Variants in ELAPOR1 observed in about 807,000 individuals in gnomAD.
ELAPOR1 encodes the protein endosome/lysosome-associated apoptosis and autophagy regulator 1.
A neutral mutation model predicts 119.7 loss-of-function variants in ELAPOR1; 77 were observed. That is an observed-to-expected ratio of 0.64 (90% CI 0.54 to 0.78). ELAPOR1 has a LOEUF of 0.78. Among genes scored for constraint, ELAPOR1 ranks in the 30% least tolerant of loss-of-function variants. The probability of loss-of-function intolerance (pLI) is 0.00; values close to 1 mark genes in which losing one functional copy is unlikely to be tolerated. For synonymous variants in ELAPOR1, 481 were observed against 487.2 expected (o/e 0.99, Z 0.17); for missense variants, 1,115 against 1,270.4 (o/e 0.88, Z 1.86).
chr1:109,114,497 T>G (rs527913985), intron 1 of ELAPOR1, among the ~76,000 whole-genome samples, 161 bp downstream of exon 1: 29 of 152,132 alleles, frequency 1.9e-4, no homozygotes, highest in African/African-American at 7.0e-4. Flanking sequence ...TCTGGCGTCA[T>G]GAGGAGGCCA....
At chr1:109,178,726 A>T (rs1652502386) in intron 7 of ELAPOR1, among the ~76,000 whole-genome samples, 2 of 152,200 alleles carry the variant, frequency 1.3e-5, no homozygotes, top group Admixed American at 1.3e-4. Context: ...GCACTTTGGG[A>T]GGCCGAGGTG....
rs750139313 is a variant in ELAPOR1 at position 109,154,499 on chromosome 1, CTGTT to C, written c.154-7389_154-7386del. Among the ~76,000 whole-genome samples, 24 of 152,244 alleles carry C rather than the reference CTGTT, an allele frequency of 1.6e-4. 1 individual carries two copies. The highest frequency in any genetic ancestry group is 6.2e-4 in the South Asian group (3 of 4,820). ...GGTCTTTTGTTCCTCGTCTCAGAGA[CTGTT>C]TGTTTTACTTCACCACTAGCCCTCG... is the stretch of plus-strand genomic sequence containing the variant. On this transcript the variant is annotated intron_variant, in intron 1 of 21. Coordinates refer to ENST00000369939, the MANE Select transcript of ELAPOR1 (RefSeq NM_020775.5).
intron 1 of ELAPOR1, among the ~76,000 whole-genome samples, chr1:109,159,172 C>T (rs894643384): frequency 2.0e-5 from 3 of 152,128 alleles, no homozygotes; most frequent in Admixed American, 1.3e-4. Context: ...GGGATTACAG[C>T]GTGAGCCACC....
In ELAPOR1 at chr1:109,199,990, C is replaced by T; in HGVS notation, c.2628+10C>T. 2 of 1,614,012 alleles carry T rather than the reference C, an allele frequency of 1.2e-6. No homozygotes were observed. Among genetic ancestry groups the T allele is most frequent in the Non-Finnish European group, 1.7e-6 (2 of 1,179,912 alleles). On this transcript the variant is annotated intron_variant, in intron 19 of 21. Transcript: ENST00000369939. The stretch of plus-strand genomic sequence containing the variant: ...TGTGGCTGGGATCCAGGTGGGTTTC[C>T]CTCTGATCGGGCACTTCCATGAGAG...
chr1:109,189,665 G>C lies in ELAPOR1; in HGVS notation c.1422G>C (p.Leu474=). 1 of 1,614,032 alleles carries C rather than the reference G, an allele frequency of 6.2e-7. No homozygotes were observed. Among genetic ancestry groups the C allele is most frequent in the Non-Finnish European group, 8.5e-7 (1 of 1,179,922 alleles). Residue 474 remains leucine (L), a synonymous_variant, in exon 11 of 22, where the codon CTG becomes CTC. Transcript: ENST00000369939. ...ACAATGACTTCATGATTCTCACTCT[G>C]GTTGTGCCAGGATTTAGGTGAGGAA... ...ASDNDFMILT[L]VVPGFRPPQS...
intron 1 of ELAPOR1, among the ~76,000 whole-genome samples, chr1:109,124,247 G>C (rs1004770478): frequency 1.3e-5 from 2 of 151,694 alleles, no homozygotes; most frequent in Non-Finnish European, 2.9e-5. Flanking sequence ...AAGAGAAGGA[G>C]TCTCACTATG....
Position 109,191,811 on chromosome 1 carries a change from A to C in ELAPOR1, c.1631A>C (p.Asn544Thr). The C allele has an allele frequency of 6.2e-7, 1 of 1,614,208 alleles. No homozygotes were observed. Reference protein sequence around the residue: ...KQSYTYIIEENTTTSFTWAFQ... With the variant: ...KQSYTYIIEETTTTSFTWAFQ... The stretch of plus-strand genomic sequence containing the variant: ...TCCTATACCTACATCATTGAGGAGA[A>C]CACTACCACGAGCTTCACCTGGGCC... Residue 544 changes from asparagine (N) to threonine (T), a missense_variant, in exon 13 of 22, where the codon AAC (asparagine) becomes ACC (threonine). Physicochemically the swap from Asn to Thr is moderately conservative, Grantham distance 65 (BLOSUM62 0). Transcript: ENST00000369939.
intron 1 of ELAPOR1, among the ~76,000 whole-genome samples, chr1:109,154,514 C>T (rs1195790535): frequency 2.0e-5 from 3 of 152,160 alleles, no homozygotes; most frequent in Non-Finnish European, 2.9e-5. Context: ...TGTTTTACTT[C>T]ACCACTAGCC....
At chr1:109,154,111 G>A (rs968500756) in intron 1 of ELAPOR1, among the ~76,000 whole-genome samples, 1 of 151,172 alleles carries the variant, frequency 6.6e-6, no homozygotes, top group Non-Finnish European at 1.5e-5. Context: ...GAGAAACCCC[G>A]TCTCTACTAA....
chr1:109,114,453 G>C, intron 1 of ELAPOR1, 117 bp downstream of exon 1: 1 of 1,257,576 alleles, frequency 8.0e-7, no homozygotes, highest in East Asian at 2.7e-5. Context: ...GATTTCTTTG[G>C]GGATGAGGCG....
At chr1:109,166,768 G>GCCTTTCAC (rs974956481) in intron 3 of ELAPOR1, among the ~76,000 whole-genome samples, 1 of 152,190 alleles carries the variant, frequency 6.6e-6, no homozygotes, top group African/African-American at 2.4e-5. Flanking sequence ...GGGGGGATAT[G>GCCTTTCAC]AGGATGTGAA....
intron 1 of ELAPOR1, among the ~76,000 whole-genome samples, chr1:109,129,904 C>T (rs765308699): frequency 8.5e-5 from 13 of 152,176 alleles, no homozygotes; most frequent in Non-Finnish European, 1.9e-4. Flanking sequence ...AATTTATTTC[C>T]TTGTGTTCTG....
chr1:109,163,416 A>T (rs574604588), intron 2 of ELAPOR1, among the ~76,000 whole-genome samples: 3 of 152,342 alleles, frequency 2.0e-5, no homozygotes, highest in East Asian at 1.9e-4. Context: ...TTTTTTAAAG[A>T]CAAGGTCTCA....
intron 1 of ELAPOR1, among the ~76,000 whole-genome samples, chr1:109,141,302 C>T (rs1300390676): frequency 6.6e-6 from 1 of 151,880 alleles, no homozygotes; most frequent in African/African-American, 2.4e-5. Context: ...ACTCTGTTGC[C>T]CAGGCTGGAA....
At chr1:109,189,029 C>G (rs369924091) in intron 9 of ELAPOR1, 37 bp from the exon 10 acceptor site, 106 of 1,607,918 alleles carry the variant, frequency 6.6e-5, no homozygotes, top group Non-Finnish European at 8.8e-5. Flanking sequence ...CTGCAGCCTT[C>G]CCACTGAATG....
chr1:109,203,381 A>G lies in ELAPOR1; in HGVS notation c.*369A>G. The G allele has an allele frequency of 4.5e-6, 1 of 222,390 alleles. No homozygotes were observed. The highest frequency in any genetic ancestry group is 8.7e-6 in the Non-Finnish European group (1 of 114,402). The allele number at this position is 222,390 out of a possible 1,614,324, so 13.8% of individuals were successfully genotyped here. On this transcript the variant is annotated 3_prime_UTR_variant, in exon 22 of 22. Coordinates refer to ENST00000369939, the MANE Select transcript of ELAPOR1 (RefSeq NM_020775.5). ...CCTCTGTCCTCTAACTTAAGGGCAG[A>G]AACAGCTGGGAGTTTTCCTCGCATG...
chr1:109,189,340 CAT>C, intron 10 of ELAPOR1, 146 bp downstream of exon 10: 1 of 1,091,258 alleles, frequency 9.2e-7, no homozygotes, highest in South Asian at 1.6e-5. Flanking sequence ...TCCTCATGGA[CAT>C]ATGTTCTGCC....
At chr1:109,126,855 G>A (rs926898512) in intron 1 of ELAPOR1, among the ~76,000 whole-genome samples, 4 of 152,192 alleles carry the variant, frequency 2.6e-5, no homozygotes, top group African/African-American at 4.8e-5. Flanking sequence ...TGTGAGGAAG[G>A]CGAAGAGTGC....
At chr1:109,146,510 C>T (rs1322111856) in intron 1 of ELAPOR1, among the ~76,000 whole-genome samples, 1 of 152,160 alleles carries the variant, frequency 6.6e-6, no homozygotes, top group African/African-American at 2.4e-5. Context: ...CAAGCCTGCC[C>T]AGATTCAAGG....
Sources: gnomAD v4.1 joint callset for allele counts (sites outside exome capture counted in the v4.1 genomes callset) on GRCh38, gnomAD v4.1.1 for gene constraint, MANE v1.5 for transcripts, NCBI Gene and HGNC (gene_info 2026-07-23, HGNC 2026-07-21) for gene names.